The following COL21A1 variants were observed in gnomAD, a reference collection of about 807,000 sequenced individuals.
The protein encoded by COL21A1 is collagen type XXI alpha 1 chain.
Under a neutral mutation model 137.9 loss-of-function variants are expected in COL21A1, and 149 were observed. The observed-to-expected ratio is 1.08, with a 90% CI of 0.95 to 1.24. The LOEUF (loss-of-function observed/expected upper bound fraction) is 1.24. COL21A1 is among the 50% of genes most tolerant of loss of function. COL21A1 has a pLI of 0.00. For synonymous variants in COL21A1, 456 were observed against 391.5 expected (o/e 1.16, Z -1.95); for missense variants, 1,167 against 1,158.4 (o/e 1.01, Z -0.11).
chr6:56,179,679 C>CTAAG lies in COL21A1; in HGVS notation c.535_538dup (p.Arg180ThrfsTer2). 6.2e-7 allele frequency: 1 copy of CTAAG among 1,613,946 alleles called. No individual in the cohort carries two copies. Among genetic ancestry groups the CTAAG allele is most frequent in the Non-Finnish European group, 8.5e-7 (1 of 1,179,872 alleles). ...AGACGAAGGCTTGTTGGCAATAGCTCTAAGTTCGGCATCTTCTGTTTCTGA... is the reference window on the plus strand; with the variant it reads ...AGACGAAGGCTTGTTGGCAATAGCTCTAAGTAAGTTCGGCATCTTCTGTTTCTGA... On this transcript the variant is annotated stop_gained and frameshift_variant, in exon 3 of 30. Transcript: ENST00000244728. LOFTEE classifies it high-confidence loss of function.
At chr6:56,137,669 C>A (rs139622041) in intron 12 of COL21A1, among the ~76,000 whole-genome samples, 19 of 152,098 alleles carry the variant, frequency 1.2e-4, no homozygotes, top group African/African-American at 4.6e-4. Context: ...AGTTTAGAAC[C>A]AACAAAATAT....
At position 56,333,171 on chromosome 6, in the gene COL21A1, T is replaced by C. The variant is rs73747783; in HGVS notation, c.-39+60800A>G. Among the ~76,000 whole-genome samples the C allele has an allele frequency of 9.0e-3, 1,347 of 149,862 alleles. 17 individuals carry two copies. Among genetic ancestry groups the C allele is most frequent in the African/African-American group, 0.031 (1,262 of 40,844 alleles). On this transcript the variant is annotated intron_variant, in intron 1 of 28. Transcript: ENST00000370819. Reference sequence around the variant, plus strand: ...CACATGTTTAAAGAATGCAATTTGATAAGTTTTGATAAATATACATACTTG... The same window carrying C: ...CACATGTTTAAAGAATGCAATTTGACAAGTTTTGATAAATATACATACTTG...
chr6:56,227,484 A>T (rs1177506887), intron 1 of COL21A1, among the ~76,000 whole-genome samples: 1 of 152,044 alleles, frequency 6.6e-6, no homozygotes, highest in Non-Finnish European at 1.5e-5. Flanking sequence ...TGGGAGACAT[A>T]AATTTTTATC....
chr6:56,123,524 G>A (rs1772733854), intron 16 of COL21A1, among the ~76,000 whole-genome samples: 1 of 152,126 alleles, frequency 6.6e-6, no homozygotes, highest in African/African-American at 2.4e-5. Context: ...CTTCAGCTCT[G>A]ATGGCTTATA....
chr6:56,324,744 T>G (rs1322190130), intron 1 of COL21A1, among the ~76,000 whole-genome samples: 1 of 151,966 alleles, frequency 6.6e-6, no homozygotes, highest in East Asian at 1.9e-4. Flanking sequence ...GTTCAAAACA[T>G]ACTACCCAAA....
intron 1 of COL21A1, among the ~76,000 whole-genome samples, chr6:56,280,227 T>C (rs1242503976): frequency 6.6e-6 from 1 of 152,246 alleles, no homozygotes. Context: ...GGGATTCCTT[T>C]ACAAATATTC....
intron 1 of COL21A1, among the ~76,000 whole-genome samples, chr6:56,321,516 T>C (rs1764867126): frequency 6.6e-6 from 1 of 152,206 alleles, no homozygotes. Flanking sequence ...ATTTCTTACT[T>C]GCTGTTTATG....
intron 1 of COL21A1, among the ~76,000 whole-genome samples, chr6:56,375,863 T>G: frequency 6.6e-6 from 1 of 152,130 alleles, no homozygotes; most frequent in East Asian, 1.9e-4. Flanking sequence ...TGCATTCAGT[T>G]TAGACATGTT....
intron 12 of COL21A1, among the ~76,000 whole-genome samples, chr6:56,129,712 G>GAC (rs1172026622): frequency 6.7e-6 from 1 of 150,066 alleles, no homozygotes; most frequent in Non-Finnish European, 1.5e-5. Flanking sequence ...GAGAGAGAGA[G>GAC]AGAGAGAGAG....
At chr6:56,108,670 T>C (rs935696635) in intron 16 of COL21A1, among the ~76,000 whole-genome samples, 6 of 151,896 alleles carry the variant, frequency 4.0e-5, no homozygotes, top group African/African-American at 1.4e-4. Context: ...TACCACTCTC[T>C]GTTCAAGACA....
intron 2 of COL21A1, among the ~76,000 whole-genome samples, chr6:56,182,052 T>TA (rs1554155990): frequency 1.2e-4 from 18 of 152,024 alleles, no homozygotes; most frequent in African/African-American, 2.4e-4. Context: ...AACTTTTTTT[T>TA]AAAAAAAAGT....
chr6:56,388,941 C>CA, intron 1 of COL21A1, among the ~76,000 whole-genome samples: 1 of 152,108 alleles, frequency 6.6e-6, no homozygotes, highest in East Asian at 1.9e-4. Flanking sequence ...AAGAGAAATA[C>CA]AAACAACAAG....
At chr6:56,220,879 T>C (rs557304391) in intron 1 of COL21A1, among the ~76,000 whole-genome samples, 7 of 152,156 alleles carry the variant, frequency 4.6e-5, no homozygotes, top group Non-Finnish European at 8.8e-5. Flanking sequence ...CTCTGAGATA[T>C]TTAAAGGAAG....
intron 16 of COL21A1, among the ~76,000 whole-genome samples, chr6:56,103,788 T>C (rs1770649882): frequency 6.6e-6 from 1 of 152,172 alleles, no homozygotes; most frequent in Non-Finnish European, 1.5e-5. Flanking sequence ...TAACTTCATC[T>C]GAATCACCCG....
intron 1 of COL21A1, among the ~76,000 whole-genome samples, chr6:56,190,424 A>C (rs1778585088): frequency 1.3e-5 from 2 of 152,198 alleles, no homozygotes; most frequent in Non-Finnish European, 2.9e-5. Context: ...AGCAATAACA[A>C]GTTCTGAAAT....
At chr6:56,236,235 T>C (rs1456808211) in intron 1 of COL21A1, among the ~76,000 whole-genome samples, 1 of 151,908 alleles carries the variant, frequency 6.6e-6, no homozygotes, top group African/African-American at 2.4e-5. Flanking sequence ...GCTGGGAACA[T>C]GGAAAAAGAA....
intron 17 of COL21A1, among the ~76,000 whole-genome samples, chr6:56,100,264 A>G (rs1280429061): frequency 6.6e-6 from 1 of 152,126 alleles, no homozygotes; most frequent in Admixed American, 6.6e-5. Context: ...TCATCCTTTC[A>G]TGAACAAATC....
At chr6:56,076,201 G>A (rs1034699177) in intron 18 of COL21A1, among the ~76,000 whole-genome samples, 1 of 151,396 alleles carries the variant, frequency 6.6e-6, no homozygotes, top group African/African-American at 2.4e-5. Context: ...GCCATGGAAA[G>A]GAAGCAGGAA....
chr6:56,173,298 A>C (rs756136947), intron 3 of COL21A1, among the ~76,000 whole-genome samples: 14 of 151,816 alleles, frequency 9.2e-5, no homozygotes, highest in Non-Finnish European at 1.9e-4. Context: ...GGATTGACTG[A>C]GTCTGGGAGG....
Sources: allele counts gnomAD v4.1 joint callset (sites outside exome capture counted in the v4.1 genomes callset), GRCh38; gene constraint gnomAD v4.1.1; transcripts MANE v1.5; gene names NCBI Gene and HGNC (gene_info 2026-07-23, HGNC 2026-07-21).